SCGB2B2: variants seen among roughly 807,000 people sequenced by gnomAD.
SCGB2B2 encodes the protein secretoglobin family 2B member 2.
SCGB2B2 carries 11 observed loss-of-function variants against 7.6 expected under a neutral mutation model. The ratio of observed to expected loss-of-function variants is 1.45; its 90% CI spans 0.91 to 2.40. SCGB2B2 has a LOEUF of 2.40. Among genes scored for constraint, SCGB2B2 ranks in the 30% most tolerant of loss-of-function variants. The probability of loss-of-function intolerance (pLI) is 0.00; values close to 1 mark genes in which losing one functional copy is unlikely to be tolerated. For missense variants in SCGB2B2, 104 were observed against 115.4 expected (o/e 0.90, Z 0.45); for synonymous variants, 50 against 48.6 (o/e 1.03, Z -0.12).
intron 1 of SCGB2B2, among the ~76,000 whole-genome samples, chr19:34,611,427 C>G (rs1295761138): frequency 3.0e-5 from 4 of 132,384 alleles, no homozygotes; most frequent in African/African-American, 5.1e-5. Context: ...TGAAATCTTT[C>G]TGTTTTTTTG....
chr19:34,615,790 AC>A (rs2066058385), intron 1 of SCGB2B2, among the ~76,000 whole-genome samples: 2 of 151,734 alleles, frequency 1.3e-5, no homozygotes, highest in Admixed American at 6.6e-5. Flanking sequence ...GGTGTGCTGC[AC>A]CCACTAACTC....
chr19:34,642,670 G>A (rs1364298506), intron 1 of SCGB2B2, among the ~76,000 whole-genome samples: 6 of 120,492 alleles, frequency 5.0e-5, no homozygotes, highest in Admixed American at 1.1e-4. Context: ...AGTCGAGATC[G>A]TGCCACTGCA....
In SCGB2B2 at chr19:34,592,738, G is replaced by A. The variant is rs1283482890; in HGVS notation, c.*817C>T. On this transcript the variant is annotated 3_prime_UTR_variant, in exon 4 of 4. Coordinates refer to ENST00000601241, the MANE Select transcript of SCGB2B2 (RefSeq NM_001025591.4). ...GGCACTCGTTCCCTGTGACCTCAAT[G>A]TCAATGTCCCCTGTCATGGTGACAT... Among the ~76,000 whole-genome samples the A allele has an allele frequency of 6.6e-6, 1 of 152,192 alleles. No homozygotes were observed. Among genetic ancestry groups the A allele is most frequent in the Non-Finnish European group, 1.5e-5 (1 of 68,032 alleles).
intron 1 of SCGB2B2, among the ~76,000 whole-genome samples, chr19:34,671,799 A>G (rs2067809973): frequency 1.3e-5 from 2 of 152,190 alleles, no homozygotes; most frequent in South Asian, 4.1e-4. Context: ...TTAAAAAATT[A>G]TTATTTACCC....
At chr19:34,611,772 C>T (rs2065934008) in intron 1 of SCGB2B2, among the ~76,000 whole-genome samples, 1 of 151,336 alleles carries the variant, frequency 6.6e-6, no homozygotes, top group Non-Finnish European at 1.5e-5. Flanking sequence ...GCCTCAGCTT[C>T]CCTAGTAGCT....
downstream of SCGB2B2, among the ~76,000 whole-genome samples, chr19:34,586,112 C>A (rs2145697855): frequency 6.6e-6 from 1 of 152,264 alleles, no homozygotes; most frequent in East Asian, 1.9e-4. Context: ...TTTATAAACA[C>A]AGTTGAGTTT....
chr19:34,643,970 A>G (rs2066918498), intron 1 of SCGB2B2, among the ~76,000 whole-genome samples: 1 of 152,216 alleles, frequency 6.6e-6, no homozygotes, highest in Admixed American at 6.5e-5. Context: ...GAAGGTAGGA[A>G]AGGTAATTAC....
At chr19:34,654,496 A>G (rs2067236098) in intron 1 of SCGB2B2, among the ~76,000 whole-genome samples, 1 of 151,356 alleles carries the variant, frequency 6.6e-6, no homozygotes, top group Non-Finnish European at 1.5e-5. Context: ...ATTAAATTTA[A>G]CAAACATATT....
intron 1 of SCGB2B2, among the ~76,000 whole-genome samples, chr19:34,665,411 T>C (rs1600071341): frequency 1.3e-5 from 2 of 152,028 alleles, no homozygotes; most frequent in African/African-American, 2.4e-5. Context: ...CTCCTGGAGG[T>C]AGATGATGTC....
intron 1 of SCGB2B2, among the ~76,000 whole-genome samples, chr19:34,600,762 A>G (rs2065599807): frequency 6.6e-6 from 1 of 152,004 alleles, no homozygotes; most frequent in African/African-American, 2.4e-5. Context: ...CGTTCTTTCT[A>G]TATTCTTGGT....
chr19:34,673,022 C>T (rs961314526), intron 1 of SCGB2B2, among the ~76,000 whole-genome samples: 3 of 152,138 alleles, frequency 2.0e-5, no homozygotes, highest in African/African-American at 7.2e-5. Flanking sequence ...GAATCTTAAA[C>T]AGCTTCTGCA....
At chr19:34,642,256 G>A (rs1326608972) in intron 1 of SCGB2B2, among the ~76,000 whole-genome samples, 1 of 152,162 alleles carries the variant, frequency 6.6e-6, no homozygotes, top group Non-Finnish European at 1.5e-5. Context: ...CAGTATCACT[G>A]GGGACTCCTG....
downstream of SCGB2B2, among the ~76,000 whole-genome samples, chr19:34,588,408 C>A (rs531386378): frequency 6.3e-4 from 94 of 150,228 alleles, 1 homozygote; most frequent in South Asian, 0.011. Context: ...GTGGCCGTCA[C>A]CCAGGCCACA....
intron 1 of SCGB2B2, among the ~76,000 whole-genome samples, chr19:34,603,302 T>C (rs2065682871): frequency 6.6e-6 from 1 of 152,212 alleles, no homozygotes; most frequent in South Asian, 2.1e-4. Context: ...TTGAAATTAA[T>C]GTGCATGAGG....
intron 1 of SCGB2B2, among the ~76,000 whole-genome samples, chr19:34,662,955 C>CAA (rs1236242346): frequency 1.9e-4 from 28 of 146,376 alleles, no homozygotes; most frequent in African/African-American, 7.1e-4. Context: ...AACAAACAAA[C>CAA]AAACAAAAAA....
intron 1 of SCGB2B2, among the ~76,000 whole-genome samples, chr19:34,620,754 C>T (rs1236029732): frequency 5.3e-5 from 8 of 152,112 alleles, no homozygotes; most frequent in Admixed American, 5.2e-4. Context: ...AAATTGGGGC[C>T]ATGAGATGTT....
chr19:34,644,008 A>G (rs28591181), intron 1 of SCGB2B2, among the ~76,000 whole-genome samples: 3,710 of 152,300 alleles, frequency 0.024, 168 homozygotes, highest in African/African-American at 0.083. Context: ...ATCTGTGAAT[A>G]ACATTTATAC....
At chr19:34,658,529 C>T (rs143053338) in intron 1 of SCGB2B2, among the ~76,000 whole-genome samples, 3,016 of 152,082 alleles carry the variant, frequency 0.02, 90 homozygotes, top group African/African-American at 0.067. Context: ...TGGACACATA[C>T]GCTCTCCCAA....
intron 1 of SCGB2B2, among the ~76,000 whole-genome samples, chr19:34,617,093 C>T (rs1033522974): frequency 5.5e-4 from 83 of 152,246 alleles, no homozygotes; most frequent in African/African-American, 1.9e-3. Context: ...TGTAGCCTTG[C>T]AGTATAGTTT....
Sources: gnomAD v4.1 joint callset for allele counts (sites outside exome capture counted in the v4.1 genomes callset) on GRCh38, gnomAD v4.1.1 for gene constraint, MANE v1.5 for transcripts, NCBI Gene and HGNC (gene_info 2026-07-23, HGNC 2026-07-21) for gene names.